The following PPP2R5C variants were observed in gnomAD, a reference collection of about 807,000 sequenced individuals.
PPP2R5C encodes serine/threonine-protein phosphatase 2A 56 kDa regulatory subunit gamma isoform.
Under a neutral mutation model 68.9 loss-of-function variants are expected in PPP2R5C, and 7 were observed. That is an observed-to-expected ratio of 0.10 (90% CI 0.06 to 0.19). The LOEUF (loss-of-function observed/expected upper bound fraction) is 0.19, where lower values mean the gene tolerates loss of function less well. Ranked by LOEUF, PPP2R5C falls within the 10% of genes least tolerant of loss-of-function variation. The pLI is 1.00. For missense variants in PPP2R5C, 348 were observed against 641.3 expected (o/e 0.54, Z 4.94); for synonymous variants, 210 against 222.2 (o/e 0.95, Z 0.49).
rs144855597 is a variant in PPP2R5C, at chr14:101,904,028, A to C, written c.1023+2139A>C. Among the ~76,000 whole-genome samples, 560 of 152,290 alleles carry C rather than the reference A, an allele frequency of 3.7e-3. 3 individuals are homozygous for C. The highest frequency in any genetic ancestry group is 0.013 in the African/African-American group (551 of 41,546). Reference sequence around the variant, plus strand: ...CCCAAAAAAAGTACTGGTTTTAAAAACTGGAAAAATTTAAAGTTTAAACCA... The same window carrying C: ...CCCAAAAAAAGTACTGGTTTTAAAACCTGGAAAAATTTAAAGTTTAAACCA... On this transcript the variant is annotated intron_variant, in intron 9 of 13. Transcript: ENST00000334743.
At chr14:101,921,546 C>T (rs1307344975) in intron 13 of PPP2R5C, among the ~76,000 whole-genome samples, 3 of 151,632 alleles carry the variant, frequency 2.0e-5, no homozygotes, top group East Asian at 1.9e-4. Context: ...AAAAAGGTAC[C>T]GGGATGCAGG....
upstream of PPP2R5C, among the ~76,000 whole-genome samples, chr14:101,761,241 CG>C (rs2036509297): frequency 6.6e-6 from 1 of 152,226 alleles, no homozygotes; most frequent in African/African-American, 2.4e-5. Context: ...CAAGAGGCCA[CG>C]GTTCGCGTTT....
intron 8 of PPP2R5C, among the ~76,000 whole-genome samples, chr14:101,896,825 C>T (rs2045367553): frequency 6.6e-6 from 1 of 152,084 alleles, no homozygotes; most frequent in African/African-American, 2.4e-5. Flanking sequence ...GATCTTGTCA[C>T]TCCTGGGCCC....
At chr14:101,864,868 G>C (rs2042963493) in intron 2 of PPP2R5C, among the ~76,000 whole-genome samples, 1 of 152,186 alleles carries the variant, frequency 6.6e-6, no homozygotes, top group Non-Finnish European at 1.5e-5. Flanking sequence ...TCCGGCTGCA[G>C]TGTGAAGAAT....
chr14:101,910,290 G>A (rs1245549254), intron 11 of PPP2R5C, among the ~76,000 whole-genome samples: 1 of 152,162 alleles, frequency 6.6e-6, no homozygotes, highest in South Asian at 2.1e-4. Flanking sequence ...TCCAAGTTGA[G>A]TATGGACTAT....
Position 101,779,653 on chromosome 14 carries a change from G to T in PPP2R5C, c.94-6365G>T, listed in dbSNP as rs193070360. Among the ~76,000 whole-genome samples, 3 of 152,236 alleles carry T rather than the reference G, an allele frequency of 2.0e-5. No individual in the cohort carries two copies. In the East Asian group the frequency reaches 5.8e-4, roughly 29 times the overall value. On this transcript the variant is annotated intron_variant, in intron 2 of 14. Transcript: ENST00000328724. ...GTCCTGGAAAAATAAGTGTGGGGGA[G>T]ACAGCGGCTGAGCTCAAACCCCATG...
chr14:101,834,149 T>C (rs1208112954), intron 1 of PPP2R5C, among the ~76,000 whole-genome samples: 1 of 152,116 alleles, frequency 6.6e-6, no homozygotes, highest in African/African-American at 2.4e-5. Flanking sequence ...GGGTGGCAAA[T>C]GTGATCCATT....
At chr14:101,762,098 C>T (rs1381868060) in intron 1 of PPP2R5C, among the ~76,000 whole-genome samples, 178 bp downstream of exon 1, 1 of 150,980 alleles carries the variant, frequency 6.6e-6, no homozygotes, top group Non-Finnish European at 1.5e-5. Flanking sequence ...GCCTCATGCC[C>T]GGTGGGGGCG....
rs1170824335 is a variant in PPP2R5C, at chr14:101,825,660, T to A, written c.94+15624T>A. On this transcript the variant is annotated intron_variant, in intron 1 of 13. Transcript: ENST00000334743. The surrounding 1 kb of genome is among the most constrained non-coding windows in gnomAD (Gnocchi z 4.0). ...CATGTTGGCATTTCATTTAGTTGAA[T>A]GAACCAGTTTTGTTGTATTTCAGAT... Among the ~76,000 whole-genome samples, 1 of 152,228 alleles carries A rather than the reference T, an allele frequency of 6.6e-6. No homozygotes were observed. Among genetic ancestry groups the A allele is most frequent in the Non-Finnish European group, 1.5e-5 (1 of 68,026 alleles).
chr14:101,917,734 G>A lies in PPP2R5C; in HGVS notation c.1327-97G>A. ...TGGGCTTCCTGCGGGAGAGGGCCCT[G>A]GGGGGCGGCAGGGGAGATGAGTCCC... On this transcript the variant is annotated intron_variant, in intron 12 of 13. Coordinates refer to ENST00000334743, the Ensembl canonical transcript of PPP2R5C. This position sits in a 1 kb window ranked among gnomAD's most constrained non-coding sequence, Gnocchi z 4.4. The A allele has an allele frequency of 2.6e-6, 4 of 1,542,692 alleles. No homozygotes were observed. The highest frequency in any genetic ancestry group is 3.6e-5 in the Admixed American group (2 of 55,284).
At chr14:101,832,114 G>A (rs2071960089) in intron 1 of PPP2R5C, among the ~76,000 whole-genome samples, 1 of 152,172 alleles carries the variant, frequency 6.6e-6, no homozygotes, top group African/African-American at 2.4e-5. Flanking sequence ...GAACAACAGA[G>A]GTAAAGTGAT....
chr14:101,893,639 C>G (rs2045109408), intron 7 of PPP2R5C, among the ~76,000 whole-genome samples: 1 of 152,066 alleles, frequency 6.6e-6, no homozygotes, highest in Non-Finnish European at 1.5e-5. Context: ...AATCCCAGCT[C>G]CTCAGGAGGC....
At chr14:101,771,961 C>T (rs2037171464) in intron 2 of PPP2R5C, among the ~76,000 whole-genome samples, 1 of 152,110 alleles carries the variant, frequency 6.6e-6, no homozygotes, top group Non-Finnish European at 1.5e-5. Flanking sequence ...TTCAGTCCCT[C>T]AGTTGCACGG....
At chr14:101,839,590 C>T (rs2041334702) in intron 1 of PPP2R5C, 1 of 152,318 alleles carries the variant, frequency 6.6e-6, no homozygotes, top group African/African-American at 2.4e-5. Flanking sequence ...AGTGTAAACT[C>T]TTTACAAAAT....
At chr14:101,840,827 G>A (rs769747920) in intron 1 of PPP2R5C, among the ~76,000 whole-genome samples, 1 of 152,116 alleles carries the variant, frequency 6.6e-6, no homozygotes, top group Non-Finnish European at 1.5e-5. Flanking sequence ...TTGAGATTCC[G>A]CCTTTCATTT....
At chr14:101,814,401 C>T (rs1292718369) in intron 1 of PPP2R5C, among the ~76,000 whole-genome samples, 1 of 152,100 alleles carries the variant, frequency 6.6e-6, no homozygotes, top group Non-Finnish European at 1.5e-5. Context: ...GGAAGGTAAC[C>T]AAAGTAACAG....
At chr14:101,787,531 A>G (rs1218177828) in intron 3 of PPP2R5C, among the ~76,000 whole-genome samples, 1 of 152,164 alleles carries the variant, frequency 6.6e-6, no homozygotes, top group Non-Finnish European at 1.5e-5. Context: ...TGGGAGGCCA[A>G]GGCGGGCGGA....
intron 1 of PPP2R5C, among the ~76,000 whole-genome samples, chr14:101,850,745 G>A (rs1194333847): frequency 6.6e-6 from 1 of 152,186 alleles, no homozygotes; most frequent in Non-Finnish European, 1.5e-5. Flanking sequence ...GGACACAGGA[G>A]ACACTAGAAG....
At chr14:101,815,207 A>G (rs185036255) in intron 1 of PPP2R5C, among the ~76,000 whole-genome samples, 37 of 152,282 alleles carry the variant, frequency 2.4e-4, no homozygotes, top group Admixed American at 1.3e-3. Context: ...GCCACAGAGA[A>G]TGTAGTGAAA....
Sources: allele counts gnomAD v4.1 joint callset (sites outside exome capture counted in the v4.1 genomes callset), GRCh38; gene constraint gnomAD v4.1.1; non-coding constraint Gnocchi (gnomAD v3.1); transcripts MANE v1.5; gene names NCBI Gene and HGNC (gene_info 2026-07-23, HGNC 2026-07-21).